RNF40: variants seen among roughly 807,000 people sequenced by gnomAD.
The protein encoded by RNF40 is E3 ubiquitin-protein ligase BRE1B.
RNF40 carries 39 observed loss-of-function variants against 123.3 expected under a neutral mutation model. That is an observed-to-expected ratio of 0.32 (90% CI 0.24 to 0.41). RNF40 has a LOEUF of 0.41. Ranked by LOEUF, RNF40 falls within the 10% of genes least tolerant of loss-of-function variation. RNF40 has a pLI of 1.00. For missense variants in RNF40, 1,003 were observed against 1,319.9 expected, an observed-to-expected ratio of 0.76 and a Z score of 3.72; for synonymous variants, 538 against 526.0, an observed-to-expected ratio of 1.02 and a Z score of -0.31.
chr16:30,766,733 A>C lies in RNF40; in HGVS notation c.1294-8A>C. On this transcript the variant is annotated splice_polypyrimidine_tract_variant and splice_region_variant and intron_variant, in intron 10 of 19. Coordinates refer to ENST00000324685, the MANE Select transcript of RNF40 (RefSeq NM_014771.4). This position sits in a 1 kb window ranked among gnomAD's most constrained non-coding sequence, Gnocchi z 5.4. ...GGCTGTGTGGGTCCTTAACACATCA[A>C]CCCACAGAGCGACGAGCTGGGGCTG... 1 of 1,613,872 alleles carries C rather than the reference A, an allele frequency of 6.2e-7. No individual in the cohort carries two copies. The highest frequency in any genetic ancestry group is 8.5e-7 in the Non-Finnish European group (1 of 1,179,992).
chr16:30,761,740 G>T (rs1321293766), upstream of RNF40: 1 of 1,522,828 alleles, frequency 6.6e-7, no homozygotes, highest in African/African-American at 1.4e-5. Context: ...TGGTCTTGCG[G>T]TTGAGCATCT....
chr16:30,769,090 C>G, intron 15 of RNF40, 96 bp from the exon 16 acceptor site: 1 of 1,592,736 alleles, frequency 6.3e-7, no homozygotes, highest in Non-Finnish European at 8.6e-7. Flanking sequence ...TGGGTCCCCT[C>G]TGTAGTTCTT....
intron 17 of RNF40, 84 bp downstream of exon 17, chr16:30,769,684 A>G (rs1255338532): frequency 4.7e-5 from 67 of 1,420,238 alleles, no homozygotes; most frequent in East Asian, 2.5e-5. Flanking sequence ...ACCCGATGCA[A>G]TAGCCTGAGG....
Position 30,774,889 on chromosome 16 carries a change from C to T in RNF40, c.*775C>T, listed in dbSNP as rs1172714073. ...GGGTCCCTGGACCTAACCCTGCTTT[C>T]ATCCTGGTGGCCTTAACTACAGTGG... On this transcript the variant is annotated 3_prime_UTR_variant, in exon 20 of 20. Transcript: ENST00000324685. 2.2e-6 allele frequency: 1 copy of T among 452,914 alleles called. No individual in the cohort carries two copies. Among genetic ancestry groups the T allele is most frequent in the African/African-American group, 2.0e-5 (1 of 50,062 alleles). The allele number at this position is 452,914 out of a possible 1,614,324, so 28.1% of individuals were successfully genotyped here. A position where few individuals can be genotyped will look rare whatever the true frequency, so the allele number is the denominator to read the frequency against.
chr16:30,775,201 C>T lies in RNF40; in HGVS notation c.*1087C>T. On this transcript the variant is annotated 3_prime_UTR_variant, in exon 20 of 20. Transcript: ENST00000324685. The stretch of plus-strand genomic sequence containing the variant: ...ACCCTCGGCCTGCAGCCAGAGTAGC[C>T]AGGCCGCGCACCCCAAATGTAGTCC... 2.8e-6 allele frequency: 1 copy of T among 352,494 alleles called. No individual in the cohort carries two copies. Among genetic ancestry groups the T allele is most frequent in the Non-Finnish European group, 5.6e-6 (1 of 178,954 alleles). The allele number at this position is 352,494 out of a possible 1,614,324, so 21.8% of individuals were successfully genotyped here.
Position 30,768,775 on chromosome 16 carries a change from A to T in RNF40, c.2097+39A>T. 6.2e-7 allele frequency: 1 copy of T among 1,613,632 alleles called. No individual in the cohort carries two copies. Among genetic ancestry groups the T allele is most frequent in the Non-Finnish European group, 8.5e-7 (1 of 1,179,682 alleles). ...GGGCTTGTGGGGCATTCAGAAAGGC[A>T]GAGCAGAGTCCTAGCTCAGCAGGAA... On this transcript the variant is annotated intron_variant, in intron 14 of 19. Transcript: ENST00000324685. The surrounding 1 kb of genome is among the most constrained non-coding windows in gnomAD (Gnocchi z 4.1).
chr16:30,773,445 C>T (rs1161417411), intron 19 of RNF40: 1 of 154,050 alleles, frequency 6.5e-6, no homozygotes, highest in East Asian at 1.9e-4. Flanking sequence ...TGAGACCCTC[C>T]TGGTGGCGGA....
chr16:30,762,855 T>TA, intron 2 of RNF40, 178 bp downstream of exon 2: 1 of 885,656 alleles, frequency 1.1e-6, no homozygotes, highest in South Asian at 1.7e-5. Flanking sequence ...CCTTTACAGA[T>TA]AGGAAAACAG....
At chr16:30,763,846 A>C (rs527573631) in intron 4 of RNF40, among the ~76,000 whole-genome samples, 10 of 152,306 alleles carry the variant, frequency 6.6e-5, no homozygotes, top group African/African-American at 2.2e-4. Flanking sequence ...TGCACTTGCT[A>C]TAAGGGAGGA....
At chr16:30,771,392 C>A (rs2054145144) in intron 17 of RNF40, among the ~76,000 whole-genome samples, 1 of 151,932 alleles carries the variant, frequency 6.6e-6, no homozygotes, top group Non-Finnish European at 1.5e-5. Context: ...CCGAGGCGGG[C>A]AGATCATGAG....
In RNF40 at chr16:30,766,603, C is replaced by G. The variant is rs566145497; in HGVS notation, c.1293+45C>G. The G allele has an allele frequency of 2.5e-6, 4 of 1,585,756 alleles. No individual in the cohort carries two copies. Among genetic ancestry groups the G allele is most frequent in the Middle Eastern group, 1.7e-4 (1 of 5,944 alleles). On this transcript the variant is annotated intron_variant, in intron 10 of 19. Transcript: ENST00000324685. The surrounding 1 kb of genome is among the most constrained non-coding windows in gnomAD (Gnocchi z 5.4). ...GTTAGGGCTGGGCTAAGGGCCAAAC[C>G]GTTAGTGTTGACGTGTTTGTGCCTT...
intron 18 of RNF40, 50 bp from the exon 19 acceptor site, chr16:30,772,039 C>A: frequency 6.3e-7 from 1 of 1,581,372 alleles, no homozygotes; most frequent in Non-Finnish European, 8.6e-7. Flanking sequence ...TGGGGGCAAG[C>A]GGCTCAAGGT....
In RNF40 at chr16:30,763,251, C is replaced by T; in HGVS notation, c.266C>T (p.Ala89Val). ...GAGAAGCGGCAGGCCACAGATGATG[C>T]CACACTCCTCATCGTCAATCGCTAC... The part of the protein sequence containing the change: ...KLEKRQATDD[A>V]TLLIVNRYWA... Residue 89 changes from alanine (A) to valine (V), a missense_variant, in exon 3 of 20, where the codon GCC becomes GTC. By Grantham distance (64) the Ala-to-Val change is moderately conservative. Transcript: ENST00000324685. The T allele has an allele frequency of 6.2e-7, 1 of 1,614,170 alleles. No homozygotes were observed. Among genetic ancestry groups the T allele is most frequent in the Non-Finnish European group, 8.5e-7 (1 of 1,180,034 alleles).
Position 30,774,037 on chromosome 16 carries a change from G to T in RNF40, c.2929G>T (p.Glu977Ter). 1 of 1,614,102 alleles carries T rather than the reference G, an allele frequency of 6.2e-7. No homozygotes were observed. Among genetic ancestry groups the T allele is most frequent in the Non-Finnish European group, 8.5e-7 (1 of 1,179,916 alleles). Residue 977 changes from glutamate to a stop codon, truncating the protein, a stop_gained, in exon 20 of 20, where the codon GAG becomes TAG. Transcript: ENST00000324685. LOFTEE classifies it high-confidence loss of function. ...FCFECVRGRY[E>*]ARQRKCPKCN... ...CTTCGAGTGCGTGCGGGGCCGCTAT[G>T]AGGCCCGCCAGAGGAAGTGCCCCAA...
At chr16:30,770,543 C>T (rs1247415064) in intron 17 of RNF40, among the ~76,000 whole-genome samples, 1 of 152,198 alleles carries the variant, frequency 6.6e-6, no homozygotes. Flanking sequence ...TCTAACCACT[C>T]GCTGGTGAAC....
Position 30,765,322 on chromosome 16 carries a change from G to C in RNF40, c.913G>C (p.Glu305Gln). The change falls in exon 7 of 20, where the codon GAG becomes CAG. Residue 305 changes from glutamate to glutamine, a missense_variant. Transcript: ENST00000324685. ...CAATAAGCACCTGGCAGAGGCCTTA[G>C]AGCAGGTGGGGCAGGGGTGCTGGGG... ...KLNKHLAEAL[E>Q]QLNSGYYVSG... 2.5e-6 allele frequency: 4 copies of C among 1,614,246 alleles called. No individual in the cohort carries two copies. The highest frequency in any genetic ancestry group is 3.4e-6 in the Non-Finnish European group (4 of 1,180,034).
intron 4 of RNF40, 51 bp from the exon 5 acceptor site, chr16:30,764,128 T>C (rs1029045817): frequency 6.8e-7 from 1 of 1,474,976 alleles, no homozygotes; most frequent in African/African-American, 1.4e-5. Context: ...TGGTACAGAG[T>C]GGTAGTAACT....
intron 17 of RNF40, 98 bp from the exon 18 acceptor site, chr16:30,771,735 C>A: frequency 7.3e-7 from 1 of 1,377,870 alleles, no homozygotes; most frequent in Non-Finnish European, 9.7e-7. Context: ...GGGCAGGTGT[C>A]ACTGGGGCCC....
chr16:30,766,799 C>A lies in RNF40; in HGVS notation c.1352C>A (p.Thr451Lys). The A allele has an allele frequency of 6.2e-7, 1 of 1,614,024 alleles. No homozygotes were observed. The change falls in exon 11 of 20, where the codon ACG (threonine) becomes AAG (lysine). Residue 451 changes from threonine (T) to lysine (K), a missense_variant. Transcript: ENST00000324685. The surrounding 1 kb of genome is among the most constrained non-coding windows in gnomAD (Gnocchi z 5.4). Reference protein sequence around the residue: ...LRTEVIQLEDTLAQVRKEYEM... With the variant: ...LRTEVIQLEDKLAQVRKEYEM... ...ACAGAGGTCATTCAGCTGGAGGACA[C>A]GCTGGCCCAGGTACGCAAGGAGTAT...
Sources: gnomAD v4.1 joint callset for allele counts (sites outside exome capture counted in the v4.1 genomes callset) on GRCh38, gnomAD v4.1.1 for gene constraint, Gnocchi (gnomAD v3.1) non-coding constraint, MANE v1.5 for transcripts, NCBI Gene and HGNC (gene_info 2026-07-23, HGNC 2026-07-21) for gene names.